The following CFTR variants were observed in gnomAD, a reference collection of about 807,000 sequenced individuals.
CFTR encodes cystic fibrosis transmembrane conductance regulator.
CFTR carries 181 observed loss-of-function variants against 171.6 expected under a neutral mutation model. That is an observed-to-expected ratio of 1.05 (90% CI 0.93 to 1.19). The LOEUF (loss-of-function observed/expected upper bound fraction) is 1.19. CFTR is among the 50% of genes most tolerant of loss of function. The pLI, the probability that CFTR is intolerant of heterozygous loss-of-function variation, is 0.00. For missense variants in CFTR, 1,968 were observed against 1,734.7 expected, an observed-to-expected ratio of 1.13 and a Z score of -2.39; for synonymous variants, 583 against 608.0, an observed-to-expected ratio of 0.96 and a Z score of 0.60.
intron 18 of CFTR, 61 bp from the exon 19 acceptor site, chr7:117,610,458 C>A (rs1792364721): frequency 2.9e-6 from 4 of 1,395,878 alleles, no homozygotes; most frequent in African/African-American, 1.4e-5. Flanking sequence ...CACTGACACA[C>A]TTTGTCCACT....
intron 3 of CFTR, among the ~76,000 whole-genome samples, chr7:117,529,990 A>G (rs1368208589): frequency 6.6e-6 from 1 of 152,202 alleles, no homozygotes; most frequent in African/African-American, 2.4e-5. Flanking sequence ...CAAGATGGGT[A>G]AGAATTAGAC....
At chr7:117,546,502 T>A (rs985073168) in intron 9 of CFTR, among the ~76,000 whole-genome samples, 15 of 152,172 alleles carry the variant, frequency 9.9e-5, no homozygotes, top group African/African-American at 3.6e-4. Context: ...TATAAATGTG[T>A]GGAGTGATAT....
chr7:117,618,272 T>A (rs1792523565), intron 21 of CFTR, among the ~76,000 whole-genome samples: 1 of 152,108 alleles, frequency 6.6e-6, no homozygotes, highest in South Asian at 2.1e-4. Context: ...GCGAATTACT[T>A]GAGGTCGGGA....
At chr7:117,491,608 C>T (rs769591393) in intron 1 of CFTR, among the ~76,000 whole-genome samples, 1 of 152,000 alleles carries the variant, frequency 6.6e-6, no homozygotes, top group Non-Finnish European at 1.5e-5. Flanking sequence ...CTTACAGAGG[C>T]ATCACCCTGA....
chr7:117,630,149 T>C (rs777401691), intron 22 of CFTR, among the ~76,000 whole-genome samples: 5 of 152,220 alleles, frequency 3.3e-5, no homozygotes, highest in African/African-American at 4.8e-5. Flanking sequence ...TGAGCCAACT[T>C]TGAAGGCCAT....
rs555065467 is a variant in CFTR at position 117,573,313 on chromosome 7, T to G, written c.1584+13658T>G. On this transcript the variant is annotated intron_variant, in intron 11 of 26. Coordinates refer to ENST00000003084, the MANE Select transcript of CFTR (RefSeq NM_000492.4). ...AAGTTAATCTTTATTGCACACTTAT[T>G]ATAATATTACTTTGACCCTCTCTAG... Among the ~76,000 whole-genome samples the G allele has an allele frequency of 2.1e-4, 32 of 152,316 alleles. 1 individual carries two copies. In the South Asian group the frequency reaches 6.6e-3, roughly 32 times the overall value.
At chr7:117,664,634 A>G (rs944219282) in intron 24 of CFTR, 54 bp from the exon 25 acceptor site, 111 of 1,515,170 alleles carry the variant, frequency 7.3e-5, no homozygotes, top group Non-Finnish European at 9.4e-5. Flanking sequence ...TAGAATGTCA[A>G]CTGCTTGAGT....
intron 11 of CFTR, among the ~76,000 whole-genome samples, chr7:117,568,608 T>A (rs1035274947): frequency 2.0e-5 from 3 of 152,208 alleles, no homozygotes; most frequent in Non-Finnish European, 4.4e-5. Flanking sequence ...TTCAGCCTTA[T>A]TAAGGTATAA....
chr7:117,648,106 T>C (rs1385796081), intron 23 of CFTR, among the ~76,000 whole-genome samples: 1 of 149,174 alleles, frequency 6.7e-6, no homozygotes, highest in Non-Finnish European at 1.5e-5. Flanking sequence ...TATGTGTATA[T>C]GTATGTACAC....
At chr7:117,647,069 G>T (rs1048097516) in intron 23 of CFTR, among the ~76,000 whole-genome samples, 11 of 151,994 alleles carry the variant, frequency 7.2e-5, no homozygotes, top group Non-Finnish European at 1.6e-4. Context: ...TTTGACTGAG[G>T]AATATTTTAT....
At chr7:117,650,595 G>A (rs549572483) in intron 23 of CFTR, among the ~76,000 whole-genome samples, 1 of 151,958 alleles carries the variant, frequency 6.6e-6, no homozygotes, top group Non-Finnish European at 1.5e-5. Context: ...CCATCCTCCC[G>A]CAGTCCTCCA....
intron 11 of CFTR, among the ~76,000 whole-genome samples, chr7:117,584,161 A>G (rs1034388421): frequency 6.6e-6 from 1 of 152,056 alleles, no homozygotes; most frequent in Non-Finnish European, 1.5e-5. Flanking sequence ...GCTGTGCAAA[A>G]GCTTTTCAGT....
Position 117,587,763 on chromosome 7 carries a change from GAC to G in CFTR, c.1611_1612del (p.Asp537GlufsTer30), listed in dbSNP as rs397508239. The G allele has an allele frequency of 6.2e-7, 1 of 1,611,094 alleles. No individual in the cohort carries two copies. Among genetic ancestry groups the G allele is most frequent in the East Asian group, 2.2e-5 (1 of 44,798 alleles). ...EEDISKFAEK[D>X]NIVLGEGGIT... The stretch of plus-strand genomic sequence containing the variant: ...GGACATCTCCAAGTTTGCAGAGAAA[GAC>G]AATATAGTTCTTGGAGAAGGTGGAA... On this transcript the variant is annotated frameshift_variant, in exon 12 of 27. Transcript: ENST00000003084. LOFTEE classifies it high-confidence loss of function.
intron 13 of CFTR, 101 bp from the exon 14 acceptor site, chr7:117,591,831 TAG>T: frequency 1.5e-6 from 1 of 679,658 alleles, no homozygotes; most frequent in Non-Finnish European, 2.4e-6. Flanking sequence ...AATTGTATGA[TAG>T]AGATTATATG....
At chr7:117,543,225 C>T (rs918011210) in intron 9 of CFTR, among the ~76,000 whole-genome samples, 2 of 152,174 alleles carry the variant, frequency 1.3e-5, no homozygotes, top group African/African-American at 4.8e-5. Flanking sequence ...GTAACTTGAG[C>T]ACCAGCGCTT....
intron 17 of CFTR, among the ~76,000 whole-genome samples, chr7:117,605,871 C>A (rs1584818897): frequency 1.3e-5 from 2 of 152,178 alleles, no homozygotes; most frequent in East Asian, 3.9e-4. Flanking sequence ...GGACTTTATC[C>A]TGCAGTTTAT....
At chr7:117,570,127 G>A (rs1430985182) in intron 11 of CFTR, among the ~76,000 whole-genome samples, 3 of 150,034 alleles carry the variant, frequency 2.0e-5, no homozygotes, top group African/African-American at 7.4e-5. Flanking sequence ...TTCCAGTATA[G>A]TACTCATCAC....
chr7:117,546,688 C>T (rs187461735), intron 9 of CFTR, among the ~76,000 whole-genome samples: 21 of 152,168 alleles, frequency 1.4e-4, no homozygotes, highest in Non-Finnish European at 2.4e-4. Context: ...ATAAAAGTCC[C>T]ACTTCTAAGC....
At position 117,598,923 on chromosome 7, in the gene CFTR, A is replaced by G. The variant is rs181406504; in HGVS notation, c.2619+3865A>G. On this transcript the variant is annotated intron_variant, in intron 15 of 26. Coordinates refer to ENST00000003084, the MANE Select transcript of CFTR (RefSeq NM_000492.4). ...ACACTTAATGTAGGGCTTGCTACAT[A>G]ATGAGCAAGGTTTGTTGCTGTTATC... is the stretch of plus-strand genomic sequence containing the variant. Among the ~76,000 whole-genome samples, 7 of 152,342 alleles carry G rather than the reference A, an allele frequency of 4.6e-5. No homozygotes were observed. In the East Asian group the frequency reaches 1.3e-3, roughly 29 times the overall value.
Sources: gnomAD v4.1 joint callset for allele counts (sites outside exome capture counted in the v4.1 genomes callset) on GRCh38, gnomAD v4.1.1 for gene constraint, MANE v1.5 for transcripts, NCBI Gene and HGNC (gene_info 2026-07-23, HGNC 2026-07-21) for gene names.